The following PATJ variants were observed in gnomAD, a reference collection of about 807,000 sequenced individuals.
PATJ encodes PATJ crumbs cell polarity complex component.
A neutral mutation model predicts 224.9 loss-of-function variants in PATJ; 190 were observed. That is an observed-to-expected ratio of 0.84 (90% confidence interval 0.75 to 0.95). The LOEUF (loss-of-function observed/expected upper bound fraction) is 0.95. Ranked by LOEUF, PATJ falls within the 40% of genes least tolerant of loss-of-function variation. The pLI, the probability that PATJ is intolerant of heterozygous loss-of-function variation, is 0.00. For synonymous variants in PATJ, 769 were observed against 820.3 expected (o/e 0.94, Z 1.07); for missense variants, 2,121 against 2,270.3 (o/e 0.93, Z 1.34).
intron 39 of PATJ, among the ~76,000 whole-genome samples, chr1:62,123,757 G>A (rs149330544): frequency 0.014 from 2,017 of 139,660 alleles, 77 homozygotes; most frequent in African/African-American, 0.052. Flanking sequence ...GATTACAGGC[G>A]TGAGGCACCG....
intron 29 of PATJ, among the ~76,000 whole-genome samples, chr1:62,029,623 G>C (rs746524163): frequency 6.6e-6 from 1 of 152,128 alleles, no homozygotes; most frequent in African/African-American, 2.4e-5. Context: ...CAAAAATACA[G>C]TGAAATACCC....
intron 27 of PATJ, among the ~76,000 whole-genome samples, chr1:61,962,136 C>T (rs1453827732): frequency 6.6e-6 from 1 of 152,076 alleles, no homozygotes; most frequent in African/African-American, 2.4e-5. Flanking sequence ...GTTGGTTCCT[C>T]TATTATTTCA....
chr1:61,903,858 C>T (rs1452269934), intron 24 of PATJ, among the ~76,000 whole-genome samples: 1 of 151,150 alleles, frequency 6.6e-6, no homozygotes, highest in Non-Finnish European at 1.5e-5. Context: ...CTGCAACCTC[C>T]ACCTCCCAGG....
intron 27 of PATJ, among the ~76,000 whole-genome samples, chr1:61,959,425 A>ATT (rs377016305): frequency 4.9e-5 from 3 of 61,142 alleles, no homozygotes; most frequent in African/African-American, 2.0e-4. Flanking sequence ...TATATAATAT[A>ATT]TTTTTTTTCT....
Position 61,787,721 on chromosome 1 carries a change from ATTTCTCAAAATAATT to A in PATJ, c.850-30_850-16del. The A allele has an allele frequency of 6.6e-7, 1 of 1,515,102 alleles. No individual in the cohort carries two copies. Among genetic ancestry groups the A allele is most frequent in the Non-Finnish European group, 9.2e-7 (1 of 1,091,076 alleles). 93.9% of individuals were successfully genotyped at this position (1,515,102 alleles called of 1,614,324 possible). A position where few individuals can be genotyped will look rare whatever the true frequency, so the allele number is the denominator to read the frequency against. ...ATTAACCAGTGAAGTTACAGCATTTATTTCTCAAAATAATTTTGTCTTTTTCTTGAAGGATGGAAG... is the reference window on the plus strand; with the variant it reads ...ATTAACCAGTGAAGTTACAGCATTTATTGTCTTTTTCTTGAAGGATGGAAG... On this transcript the variant is annotated intron_variant, in intron 7 of 43. Coordinates refer to ENST00000642238, the MANE Select transcript of PATJ (RefSeq NM_001350145.3).
At chr1:61,935,332 A>T (rs867657050) in intron 27 of PATJ, among the ~76,000 whole-genome samples, 38 of 152,328 alleles carry the variant, frequency 2.5e-4, no homozygotes, top group Middle Eastern at 6.8e-3. Context: ...CCCTTCCTTT[A>T]TACTTTAATT....
At chr1:61,901,184 T>C (rs1183283660) in intron 23 of PATJ, 98 bp from the exon 24 acceptor site, 5 of 589,888 alleles carry the variant, frequency 8.5e-6, no homozygotes, top group Non-Finnish European at 1.1e-5. Flanking sequence ...AAAATTTATA[T>C]AAAATATGAG....
At chr1:62,154,649 C>CAAAAAAAAAA (rs61670416) in intron 43 of PATJ, among the ~76,000 whole-genome samples, 1 of 131,636 alleles carries the variant, frequency 7.6e-6, no homozygotes, top group Non-Finnish European at 1.6e-5. Context: ...CAATCCATCT[C>CAAAAAAAAAA]AAAAAAAAAA....
Position 61,772,464 on chromosome 1 carries a change from G to A in PATJ, c.720+838G>A, listed in dbSNP as rs778034290. Among the ~76,000 whole-genome samples the A allele has an allele frequency of 3.3e-5, 5 of 151,940 alleles. No individual in the cohort carries two copies. In the East Asian group the frequency reaches 5.8e-4, roughly 18 times the overall value. On this transcript the variant is annotated intron_variant, in intron 6 of 43. Coordinates refer to ENST00000642238, the MANE Select transcript of PATJ (RefSeq NM_001350145.3). ...GGAACCCTTGAACTTGCTTTTTAAC[G>A]TTTTACAGATTTTGGCTTGCATCGT... is the stretch of plus-strand genomic sequence containing the variant.
At chr1:62,034,440 C>G (rs1216253401) in intron 29 of PATJ, among the ~76,000 whole-genome samples, 4 of 55,204 alleles carry the variant, frequency 7.2e-5, no homozygotes, top group African/African-American at 2.9e-4. Flanking sequence ...GAGACTCTGT[C>G]TCAAAAAAAA....
rs371750254 is a variant in PATJ, at chr1:62,084,625, G to T, written c.4354G>T (p.Val1452Leu). ...KGRSGLGLSI[V>L]GGKDTPLNAI... ...ACGTTCAGGGCTTGGTCTCAGCATTGTGGGAGGAAAAGACACACCCTTGGT... is the reference window on the plus strand; with the variant it reads ...ACGTTCAGGGCTTGGTCTCAGCATTTTGGGAGGAAAAGACACACCCTTGGT... The change falls in exon 33 of 44, where the codon GTG (valine) becomes TTG (leucine). Residue 1452 changes from valine to leucine, a missense_variant. Coordinates refer to ENST00000642238, the MANE Select transcript of PATJ (RefSeq NM_001350145.3). 5 of 1,613,008 alleles carry T rather than the reference G, an allele frequency of 3.1e-6. No homozygotes were observed. In the African/African-American group the frequency reaches 6.7e-5, roughly 22 times the overall value.
At chr1:61,982,347 A>T (rs975663635) in intron 27 of PATJ, among the ~76,000 whole-genome samples, 1 of 151,988 alleles carries the variant, frequency 6.6e-6, no homozygotes, top group African/African-American at 2.4e-5. Flanking sequence ...TTCATCTCTG[A>T]AGGGATCTTA....
chr1:62,060,846 A>T (rs2148638739), intron 31 of PATJ, among the ~76,000 whole-genome samples: 1 of 152,090 alleles, frequency 6.6e-6, no homozygotes, highest in African/African-American at 2.4e-5. Context: ...CAGACCTTTC[A>T]ACTTTTATTT....
intron 22 of PATJ, among the ~76,000 whole-genome samples, chr1:61,885,504 A>G (rs1157831393): frequency 1.3e-5 from 2 of 151,474 alleles, no homozygotes; most frequent in Non-Finnish European, 3.0e-5. Context: ...TTAGAATGGC[A>G]ATCATTCAAA....
At chr1:61,909,105 G>A (rs151253730) in intron 25 of PATJ, among the ~76,000 whole-genome samples, 62 of 152,010 alleles carry the variant, frequency 4.1e-4, no homozygotes, top group African/African-American at 1.4e-3. Context: ...TCAGCCTCCC[G>A]AGTAGCTGGG....
intron 31 of PATJ, among the ~76,000 whole-genome samples, chr1:62,077,105 A>T (rs1658428955): frequency 1.3e-5 from 2 of 152,170 alleles, no homozygotes; most frequent in Non-Finnish European, 2.9e-5. Flanking sequence ...TTACCAACAC[A>T]TCTGTATTCC....
chr1:61,789,569 T>A (rs1239176149), intron 8 of PATJ, among the ~76,000 whole-genome samples: 1 of 151,784 alleles, frequency 6.6e-6, no homozygotes, highest in Non-Finnish European at 1.5e-5. Flanking sequence ...TCCGAGCACT[T>A]TGGGAGGATG....
chr1:61,794,457 T>C (rs34392306), intron 9 of PATJ, among the ~76,000 whole-genome samples: 12,422 of 152,190 alleles, frequency 0.082, 644 homozygotes, highest in Non-Finnish European at 0.12. Context: ...CAAACAATGT[T>C]TTGAGTTTAT....
chr1:62,133,506 C>T (rs1344655135), intron 41 of PATJ, among the ~76,000 whole-genome samples: 2 of 152,060 alleles, frequency 1.3e-5, no homozygotes, highest in Non-Finnish European at 1.5e-5. Context: ...AGCTTGAACC[C>T]GGAGAGTAGA....
Sources: gnomAD v4.1 joint callset for allele counts (sites outside exome capture counted in the v4.1 genomes callset) on GRCh38, gnomAD v4.1.1 for gene constraint, MANE v1.5 for transcripts, NCBI Gene and HGNC (gene_info 2026-07-23, HGNC 2026-07-21) for gene names.